MATN2: variants seen among roughly 807,000 people sequenced by gnomAD.
MATN2 encodes matrilin-2.
MATN2 carries 69 observed loss-of-function variants against 103.2 expected under a neutral mutation model. The observed-to-expected ratio is 0.67, with a 90% confidence interval of 0.55 to 0.82. The LOEUF is 0.82. MATN2 is among the 40% of genes least tolerant of loss of function. The pLI, the probability that MATN2 is intolerant of heterozygous loss-of-function variation, is 0.00. For missense variants in MATN2, 1,023 were observed against 1,211.5 expected (o/e 0.84, Z 2.31); for synonymous variants, 429 against 450.2 (o/e 0.95, Z 0.60).
intron 7 of MATN2, among the ~76,000 whole-genome samples, chr8:98,001,933 T>C (rs534199406): frequency 1.3e-5 from 2 of 152,248 alleles, no homozygotes; most frequent in Non-Finnish European, 2.9e-5. Context: ...CCATGACTCA[T>C]GCTTGGGGGT....
chr8:97,933,347 C>T (rs1035018970), intron 3 of MATN2, among the ~76,000 whole-genome samples: 1 of 152,106 alleles, frequency 6.6e-6, no homozygotes, highest in African/African-American at 2.4e-5. Flanking sequence ...TTTATGTTTC[C>T]CCTTTCCTGA....
At chr8:97,884,503 G>C (rs1171411968) in intron 1 of MATN2, among the ~76,000 whole-genome samples, 1 of 152,122 alleles carries the variant, frequency 6.6e-6, no homozygotes, top group East Asian at 1.9e-4. Context: ...AGCAACAACA[G>C]GCCGAGTGTG....
chr8:98,022,716 A>G (rs1813646604), intron 13 of MATN2, among the ~76,000 whole-genome samples: 2 of 150,202 alleles, frequency 1.3e-5, no homozygotes, highest in South Asian at 4.2e-4. Context: ...ATGCCTAATT[A>G]GTTCAGAGCA....
chr8:97,951,355 C>A (rs1346244638), intron 4 of MATN2, among the ~76,000 whole-genome samples: 1 of 152,180 alleles, frequency 6.6e-6, no homozygotes, highest in Non-Finnish European at 1.5e-5. Context: ...ATGTACATAT[C>A]AGGGGAACAT....
intron 4 of MATN2, among the ~76,000 whole-genome samples, chr8:97,944,596 A>G (rs1810685639): frequency 6.6e-6 from 1 of 152,106 alleles, no homozygotes; most frequent in African/African-American, 2.4e-5. Context: ...GGTTATTTAA[A>G]CTTCTTGACT....
At chr8:97,875,231 C>T (rs1296237604) in intron 1 of MATN2, among the ~76,000 whole-genome samples, 1 of 152,022 alleles carries the variant, frequency 6.6e-6, no homozygotes, top group East Asian at 1.9e-4. Context: ...AAATAGTGTC[C>T]GCCTGGGCTG....
intron 5 of MATN2, among the ~76,000 whole-genome samples, chr8:97,971,980 G>T (rs1224055799): frequency 6.6e-6 from 1 of 151,802 alleles, no homozygotes; most frequent in Non-Finnish European, 1.5e-5. Flanking sequence ...CAGATCTCTT[G>T]AGCTCAGGAG....
intron 4 of MATN2, among the ~76,000 whole-genome samples, chr8:97,944,459 A>G (rs1205171528): frequency 6.6e-6 from 1 of 151,848 alleles, no homozygotes. Flanking sequence ...AATACTAATA[A>G]CTCTTTTGCT....
chr8:97,871,562 G>A (rs575766045), intron 1 of MATN2, among the ~76,000 whole-genome samples: 34 of 152,358 alleles, frequency 2.2e-4, no homozygotes, highest in African/African-American at 7.9e-4. Flanking sequence ...GGGAAGCTAT[G>A]GAGGACTCCC....
chr8:98,023,987 C>T (rs1586167715), intron 13 of MATN2, among the ~76,000 whole-genome samples: 1 of 152,208 alleles, frequency 6.6e-6, no homozygotes, highest in East Asian at 1.9e-4. Context: ...GGGAGCTGAA[C>T]AATGAGAACA....
At chr8:97,988,219 C>CATAT (rs60086528) in intron 6 of MATN2, among the ~76,000 whole-genome samples, 2,475 of 124,010 alleles carry the variant, frequency 0.02, 101 homozygotes, top group African/African-American at 0.075. Flanking sequence ...TACACACATA[C>CATAT]ATATATATAT....
chr8:97,882,671 C>T (rs145944178), intron 1 of MATN2, among the ~76,000 whole-genome samples: 45 of 152,264 alleles, frequency 3.0e-4, no homozygotes, highest in African/African-American at 8.4e-4. Flanking sequence ...TCTGGGATTC[C>T]GAGTATGCAC....
chr8:98,035,887 T>C lies in MATN2; in HGVS notation c.*175T>C, dbSNP rs1814231275. The C allele has an allele frequency of 2.4e-6, 1 of 415,276 alleles. No individual in the cohort carries two copies. 25.7% of individuals were successfully genotyped at this position (415,276 alleles called of 1,614,324 possible). ...GACAAGAAGTATACACTAACTTGTATAAATTTATCTAGGAAAAAAATCCTT... is the reference window on the plus strand; with the variant it reads ...GACAAGAAGTATACACTAACTTGTACAAATTTATCTAGGAAAAAAATCCTT... On this transcript the variant is annotated 3_prime_UTR_variant, in exon 19 of 19. Transcript: ENST00000254898.
chr8:97,871,323 G>T (rs996547077), intron 1 of MATN2, among the ~76,000 whole-genome samples: 3 of 152,238 alleles, frequency 2.0e-5, no homozygotes, highest in African/African-American at 7.2e-5. Context: ...AGACTAAAAG[G>T]GGGAGAGACC....
chr8:97,894,261 A>G (rs1409212190), intron 2 of MATN2, among the ~76,000 whole-genome samples: 1 of 152,028 alleles, frequency 6.6e-6, no homozygotes, highest in African/African-American at 2.4e-5. Context: ...GCATTTAGTA[A>G]AATTTACTCA....
chr8:97,917,698 G>C lies in MATN2; in HGVS notation c.143-13255G>C, dbSNP rs548237568. ...GACCCTGGAAATCACCTCCATCTGG[G>C]TGTACATTGTTACTTTTATCCTCAG... On this transcript the variant is annotated intron_variant, in intron 2 of 18. Coordinates refer to ENST00000254898, the MANE Select transcript of MATN2 (RefSeq NM_002380.5). Among the ~76,000 whole-genome samples, 14 of 152,294 alleles carry C rather than the reference G, an allele frequency of 9.2e-5. No homozygotes were observed. In the South Asian group the frequency reaches 1.2e-3, roughly 14 times the overall value.
intron 2 of MATN2, among the ~76,000 whole-genome samples, chr8:97,891,899 T>C (rs1586382966): frequency 6.6e-6 from 1 of 151,736 alleles, no homozygotes; most frequent in East Asian, 2.0e-4. Flanking sequence ...CCCAGGAGTT[T>C]GAGACCAGTC....
intron 18 of MATN2, 118 bp downstream of exon 18, chr8:98,033,777 G>C: frequency 1.4e-6 from 1 of 737,764 alleles, no homozygotes; most frequent in Non-Finnish European, 2.2e-6. Flanking sequence ...AAAGAACAGT[G>C]ATCTCCAGGA....
intron 10 of MATN2, among the ~76,000 whole-genome samples, chr8:98,009,316 G>A (rs775346500): frequency 2.0e-5 from 3 of 152,180 alleles, no homozygotes; most frequent in Admixed American, 6.5e-5. Context: ...CGTGGCCACA[G>A]CTAACTGGGG....
Sources: allele counts gnomAD v4.1 joint callset (sites outside exome capture counted in the v4.1 genomes callset), GRCh38; gene constraint gnomAD v4.1.1; transcripts MANE v1.5; gene names NCBI Gene and HGNC (gene_info 2026-07-23, HGNC 2026-07-21).